Variants in BAZ1A observed in about 807,000 individuals in gnomAD.
BAZ1A encodes bromodomain adjacent to zinc finger domain protein 1A.
BAZ1A carries 50 observed loss-of-function variants against 185.2 expected under a neutral mutation model. That is an observed-to-expected ratio of 0.27 (90% CI 0.22 to 0.34). The LOEUF (loss-of-function observed/expected upper bound fraction) is 0.34, where lower values mean the gene tolerates loss of function less well. Among genes scored for constraint, BAZ1A ranks in the 10% least tolerant of loss-of-function variants. The pLI, the probability that BAZ1A is intolerant of heterozygous loss-of-function variation, is 1.00. For synonymous variants in BAZ1A, 571 were observed against 615.6 expected (o/e 0.93, Z 1.07); for missense variants, 1,356 against 1,839.9 (o/e 0.74, Z 4.81).
intron 4 of BAZ1A, among the ~76,000 whole-genome samples, chr14:34,816,460 T>C (rs1263908990): frequency 6.6e-6 from 1 of 152,210 alleles, no homozygotes; most frequent in Non-Finnish European, 1.5e-5. Flanking sequence ...TAACCAAAAG[T>C]GTACTCATGT....
intron 4 of BAZ1A, among the ~76,000 whole-genome samples, chr14:34,812,107 A>G (rs2041938081): frequency 6.6e-6 from 1 of 152,170 alleles, no homozygotes. Context: ...AGGAGAAGTG[A>G]TAAGTGCTAT....
Position 34,874,207 on chromosome 14 carries a change from G to A in BAZ1A, c.113+285C>T, listed in dbSNP as rs2043001973. 6.2e-6 allele frequency: 2 copies of A among 324,488 alleles called. No individual in the cohort carries two copies. Among genetic ancestry groups the A allele is most frequent in the South Asian group, 3.7e-5 (1 of 27,296 alleles). 20.1% of individuals were successfully genotyped at this position (324,488 alleles called of 1,614,324 possible). On this transcript the variant is annotated intron_variant, in intron 2 of 26. Transcript: ENST00000360310. This position sits in a 1 kb window ranked among gnomAD's most constrained non-coding sequence, Gnocchi z 4.7. ...GTTTCCGCCGCCCCGCGGCCAAGAG[G>A]GCGGGAGGGCGACAGCAGCGGCTAG...
intron 11 of BAZ1A, among the ~76,000 whole-genome samples, chr14:34,794,428 C>G (rs1049006089): frequency 3.9e-5 from 6 of 152,184 alleles, no homozygotes; most frequent in Admixed American, 2.0e-4. Flanking sequence ...TCTCACTGCT[C>G]TGACCAATGG....
intron 4 of BAZ1A, among the ~76,000 whole-genome samples, chr14:34,824,092 C>T (rs573158521): frequency 2.1e-4 from 32 of 150,940 alleles, no homozygotes; most frequent in African/African-American, 6.3e-4. Context: ...GCAAGTTGGC[C>T]GGGCACAGTG....
intron 3 of BAZ1A, among the ~76,000 whole-genome samples, chr14:34,832,307 C>T (rs779444376): frequency 6.7e-6 from 1 of 150,066 alleles, no homozygotes; most frequent in African/African-American, 2.4e-5. Flanking sequence ...TCAACACTTA[C>T]AGAAGCATTA....
intron 12 of BAZ1A, among the ~76,000 whole-genome samples, chr14:34,789,637 T>A (rs181869107): frequency 6.6e-6 from 1 of 152,168 alleles, no homozygotes; most frequent in East Asian, 1.9e-4. Flanking sequence ...TTCCCATACT[T>A]TGAAGGGCTT....
intron 3 of BAZ1A, among the ~76,000 whole-genome samples, chr14:34,827,861 C>T (rs1157814571): frequency 6.6e-6 from 1 of 152,040 alleles, no homozygotes; most frequent in Non-Finnish European, 1.5e-5. Flanking sequence ...GTTATTCTCA[C>T]AACTTTTGTT....
At chr14:34,833,570 T>C (rs2042284453) in intron 3 of BAZ1A, among the ~76,000 whole-genome samples, 1 of 151,998 alleles carries the variant, frequency 6.6e-6, no homozygotes, top group Non-Finnish European at 1.5e-5. Context: ...AAAGAAAACA[T>C]TATGTTCAGT....
chr14:34,869,774 T>C (rs1203152071), intron 2 of BAZ1A, among the ~76,000 whole-genome samples: 3 of 152,060 alleles, frequency 2.0e-5, no homozygotes, highest in Admixed American at 2.0e-4. Context: ...AGAGCTGGAG[T>C]CTATTTCATG....
Position 34,874,484 on chromosome 14 carries a change from G to A in BAZ1A, c.113+8C>T. On this transcript the variant is annotated splice_region_variant and intron_variant, in intron 2 of 26. Transcript: ENST00000360310. This position sits in a 1 kb window ranked among gnomAD's most constrained non-coding sequence, Gnocchi z 4.7. ...CCCCCGCGGCCCCGCACACGGCCCG[G>A]CTCTTACTCGTAGTGGCGGAAGATC... 1 of 1,611,136 alleles carries A rather than the reference G, an allele frequency of 6.2e-7. No individual in the cohort carries two copies. The highest frequency in any genetic ancestry group is 8.5e-7 in the Non-Finnish European group (1 of 1,178,024).
At chr14:34,756,143 TC>T (rs1886234418) in intron 25 of BAZ1A, among the ~76,000 whole-genome samples, 1 of 142,582 alleles carries the variant, frequency 7.0e-6, no homozygotes. Context: ...AGACAGAGTC[TC>T]ACTCTGTCAC....
intron 2 of BAZ1A, among the ~76,000 whole-genome samples, chr14:34,868,974 T>C (rs534733089): frequency 7.3e-5 from 11 of 150,494 alleles, no homozygotes; most frequent in South Asian, 2.1e-4. Context: ...ATATTATATA[T>C]GTATATATAT....
intron 9 of BAZ1A, among the ~76,000 whole-genome samples, chr14:34,797,961 C>G (rs530362279): frequency 4.6e-5 from 7 of 152,376 alleles, no homozygotes; most frequent in Admixed American, 2.6e-4. Flanking sequence ...TCGGGACACT[C>G]CTGCCCAAAT....
intron 9 of BAZ1A, among the ~76,000 whole-genome samples, chr14:34,798,492 A>G (rs1881328747): frequency 6.6e-6 from 1 of 152,222 alleles, no homozygotes; most frequent in Non-Finnish European, 1.5e-5. Context: ...AGGATAAGGC[A>G]GCAATATGTG....
At chr14:34,765,993 CATTATTTCCTACT>C (rs1878812313) in intron 21 of BAZ1A, among the ~76,000 whole-genome samples, 2 of 152,140 alleles carry the variant, frequency 1.3e-5, no homozygotes, top group Admixed American at 1.3e-4. Context: ...TCTATAATAC[CATTATTTCCTACT>C]ATTATTCTCA....
intron 24 of BAZ1A, among the ~76,000 whole-genome samples, chr14:34,760,760 G>A (rs979570322): frequency 2.6e-5 from 4 of 152,092 alleles, no homozygotes; most frequent in Non-Finnish European, 4.4e-5. Flanking sequence ...GCTGGGGCTG[G>A]AGGATTGCTT....
chr14:34,803,660 G>C (rs1260403489), intron 6 of BAZ1A, among the ~76,000 whole-genome samples: 1 of 151,910 alleles, frequency 6.6e-6, no homozygotes. Context: ...CTATGTAAAT[G>C]AATAATCAAT....
intron 4 of BAZ1A, chr14:34,816,928 A>G (rs1435587110): frequency 3.1e-6 from 1 of 320,602 alleles, no homozygotes; most frequent in Non-Finnish European, 6.4e-6. Flanking sequence ...TTTTCTTTAA[A>G]AATCTATTAG....
chr14:34,854,802 C>G (rs1245444600), intron 3 of BAZ1A, among the ~76,000 whole-genome samples: 1 of 151,862 alleles, frequency 6.6e-6, no homozygotes, highest in South Asian at 2.1e-4. Context: ...AGTGTTGGCT[C>G]GGCACAGTGG....
Sources: gnomAD v4.1 joint callset for allele counts (sites outside exome capture counted in the v4.1 genomes callset) on GRCh38, gnomAD v4.1.1 for gene constraint, Gnocchi (gnomAD v3.1) non-coding constraint, MANE v1.5 for transcripts, NCBI Gene and HGNC (gene_info 2026-07-23, HGNC 2026-07-21) for gene names.